Variants in FOXN3 observed in about 807,000 individuals in gnomAD.
FOXN3 encodes forkhead box N3, also known as forkhead box protein N3.
In FOXN3, 7 loss-of-function variants were observed where a neutral mutation model predicts 38.4. That is an observed-to-expected ratio of 0.18 (90% confidence interval 0.10 to 0.34). The LOEUF (loss-of-function observed/expected upper bound fraction) is 0.34. Among genes scored for constraint, FOXN3 ranks in the 10% least tolerant of loss-of-function variants. The pLI is 1.00. For missense variants in FOXN3, 456 were observed against 613.4 expected (o/e 0.74, Z 2.71); for synonymous variants, 230 against 242.2 (o/e 0.95, Z 0.47).
intron 4 of FOXN3, among the ~76,000 whole-genome samples, chr14:89,206,512 C>A (rs552018257): frequency 6.6e-6 from 1 of 152,148 alleles, no homozygotes; most frequent in Non-Finnish European, 1.5e-5. Context: ...AAGATGATGG[C>A]GTGGACAGCG....
At chr14:89,187,927 G>A (rs1440956545) in intron 4 of FOXN3, among the ~76,000 whole-genome samples, 1 of 152,140 alleles carries the variant, frequency 6.6e-6, no homozygotes, top group Non-Finnish European at 1.5e-5. Context: ...CGGTCAGATG[G>A]GACGGTGAAT....
chr14:89,401,685 C>T (rs535081249), intron 2 of FOXN3: 7 of 455,648 alleles, frequency 1.5e-5, no homozygotes, highest in African/African-American at 2.0e-5. Context: ...AAAAACAAAG[C>T]ATGTGCACAT....
chr14:89,425,469 G>A (rs1162725909), intron 1 of FOXN3, among the ~76,000 whole-genome samples: 1 of 151,878 alleles, frequency 6.6e-6, no homozygotes, highest in Admixed American at 6.6e-5. Context: ...CTGGGTTCAA[G>A]TGATTCTCCT....
At chr14:89,335,496 T>G (rs75351450) in intron 3 of FOXN3, among the ~76,000 whole-genome samples, 1 of 152,246 alleles carries the variant, frequency 6.6e-6, no homozygotes, top group Admixed American at 6.5e-5. Flanking sequence ...TCAGCAAATA[T>G]GCTATTTACA....
chr14:89,490,085 T>G (rs1332096013), intron 1 of FOXN3, among the ~76,000 whole-genome samples: 1 of 152,228 alleles, frequency 6.6e-6, no homozygotes, highest in South Asian at 2.1e-4. Context: ...CGAAGAGATC[T>G]TTTTTGCCAC....
In FOXN3 at chr14:89,356,129, G is replaced by A. The variant is rs543148915; in HGVS notation, c.544-5321C>T. Among the ~76,000 whole-genome samples the A allele has an allele frequency of 9.2e-5, 14 of 152,224 alleles. No homozygotes were observed. The South Asian group carries it at 2.1e-3, about 23-fold the overall frequency. On this transcript the variant is annotated intron_variant, in intron 2 of 5. Coordinates refer to ENST00000557258, the MANE Select transcript of FOXN3 (RefSeq NM_005197.4). Reference sequence around the variant, plus strand: ...AAAATTAAGACAGGCCAGGCATGGTGGCTCACACCTGTAATCCCAGCACTT... The same window carrying A: ...AAAATTAAGACAGGCCAGGCATGGTAGCTCACACCTGTAATCCCAGCACTT...
At chr14:89,519,191 G>A (rs117142337) in intron 1 of FOXN3, among the ~76,000 whole-genome samples, 49 of 152,268 alleles carry the variant, frequency 3.2e-4, no homozygotes, top group Non-Finnish European at 5.1e-4. Context: ...AGATGCCTGC[G>A]GTAGCACAGA....
intron 3 of FOXN3, among the ~76,000 whole-genome samples, chr14:89,298,109 T>C (rs1479038112): frequency 6.6e-6 from 1 of 152,112 alleles, no homozygotes; most frequent in African/African-American, 2.4e-5. Context: ...ATTCAGCCTT[T>C]AAAAGGAAGG....
chr14:89,379,669 A>T (rs1596239899), intron 2 of FOXN3, among the ~76,000 whole-genome samples: 2 of 152,130 alleles, frequency 1.3e-5, no homozygotes, highest in South Asian at 4.2e-4. Context: ...ATTATTATTG[A>T]GATGAGTTTC....
chr14:89,177,009 C>CTTTTTTTT (rs34575638), intron 5 of FOXN3, among the ~76,000 whole-genome samples: 8 of 114,220 alleles, frequency 7.0e-5, no homozygotes, highest in East Asian at 2.5e-4. Flanking sequence ...CTCTTTCTTT[C>CTTTTTTTT]TTTTTTTTTT....
At chr14:89,609,466 A>G in intron 1 of FOXN3, among the ~76,000 whole-genome samples, 1 of 152,164 alleles carries the variant, frequency 6.6e-6, no homozygotes, top group Admixed American at 6.5e-5. Flanking sequence ...TGACAACATA[A>G]CAATAAAAAT....
At chr14:89,576,472 A>G (rs1052109839) in intron 1 of FOXN3, 2 of 151,988 alleles carry the variant, frequency 1.3e-5, no homozygotes, top group South Asian at 4.1e-4. Context: ...ACACTCAGAC[A>G]AGGAAGGAAT....
chr14:89,173,035 G>A (rs931882323), intron 5 of FOXN3, among the ~76,000 whole-genome samples: 5 of 152,048 alleles, frequency 3.3e-5, no homozygotes, highest in Non-Finnish European at 7.4e-5. Context: ...AAGACCATCC[G>A]CAAACTTAGA....
intron 4 of FOXN3, among the ~76,000 whole-genome samples, chr14:89,198,194 CT>C (rs1237403993): frequency 1.3e-5 from 2 of 152,102 alleles, no homozygotes; most frequent in Admixed American, 6.5e-5. Flanking sequence ...CATGTTCAGG[CT>C]TTTTTCTTGT....
At chr14:89,180,953 TACACAC>T in intron 4 of FOXN3, 147 bp from the exon 5 acceptor site, 1 of 480,716 alleles carries the variant, frequency 2.1e-6, no homozygotes, top group Non-Finnish European at 3.8e-6. Flanking sequence ...CACGTGCACA[TACACAC>T]ACACACACAC....
At chr14:89,352,836 C>A (rs1889034196) in intron 2 of FOXN3, among the ~76,000 whole-genome samples, 2 of 152,076 alleles carry the variant, frequency 1.3e-5, no homozygotes, top group Admixed American at 1.3e-4. Context: ...CTAATCCTAA[C>A]CTAAGTGTTT....
At chr14:89,374,298 G>A (rs1223408311) in intron 2 of FOXN3, among the ~76,000 whole-genome samples, 9 of 136,898 alleles carry the variant, frequency 6.6e-5, no homozygotes, top group Admixed American at 7.3e-5. Context: ...AAAGAAGGAA[G>A]GAAAGGAAAA....
intron 1 of FOXN3, among the ~76,000 whole-genome samples, chr14:89,571,080 T>C (rs1210749633): frequency 6.6e-6 from 1 of 152,198 alleles, no homozygotes; most frequent in East Asian, 1.9e-4. Context: ...CCTCAAACTT[T>C]TGTTCAAAAC....
rs778868981 is a variant in FOXN3 at position 89,548,520 on chromosome 14, C to G, written c.-15+70508G>C. Among the ~76,000 whole-genome samples, 10 of 152,182 alleles carry G rather than the reference C, an allele frequency of 6.6e-5. No homozygotes were observed. The highest frequency in any genetic ancestry group is 1.3e-4 in the Non-Finnish European group (9 of 68,020). ...TTTACTTAAACACTAGACTTCTATT[C>G]TTAATTCCATTTAGCTTAGGCTATT... On this transcript the variant is annotated intron_variant, in intron 1 of 6. Transcript: ENST00000345097. The surrounding 1 kb of genome is among the most constrained non-coding windows in gnomAD (Gnocchi z 4.8).
Sources: gnomAD v4.1 joint callset for allele counts (sites outside exome capture counted in the v4.1 genomes callset) on GRCh38, gnomAD v4.1.1 for gene constraint, Gnocchi (gnomAD v3.1) non-coding constraint, MANE v1.5 for transcripts, NCBI Gene and HGNC (gene_info 2026-07-23, HGNC 2026-07-21) for gene names.